SGSM1: variants seen among roughly 807,000 people sequenced by gnomAD.
The protein encoded by SGSM1 is RUN and TBC1 domain containing 2.
A neutral mutation model predicts 133.8 loss-of-function variants in SGSM1; 73 were observed. The observed-to-expected ratio is 0.55, with a 90% CI of 0.45 to 0.66. The LOEUF is 0.66. Ranked by LOEUF, SGSM1 falls within the 30% of genes least tolerant of loss-of-function variation. The pLI is 0.00. For missense variants in SGSM1, 1,213 were observed against 1,448.1 expected, an observed-to-expected ratio of 0.84 and a Z score of 2.64; for synonymous variants, 563 against 573.0, an observed-to-expected ratio of 0.98 and a Z score of 0.25.
intron 2 of SGSM1, among the ~76,000 whole-genome samples, chr22:24,831,932 G>T (rs1356271814): frequency 6.6e-6 from 1 of 152,228 alleles, no homozygotes; most frequent in African/African-American, 2.4e-5. Flanking sequence ...GTTCTGTGTT[G>T]TATCACTGAG....
At chr22:24,913,144 T>C in intron 22 of SGSM1, among the ~76,000 whole-genome samples, 1 of 151,558 alleles carries the variant, frequency 6.6e-6, no homozygotes. Context: ...ACAAAAAAAA[T>C]TAGCAGGGCA....
chr22:24,816,064 A>G (rs982072206), intron 2 of SGSM1, among the ~76,000 whole-genome samples: 2 of 152,178 alleles, frequency 1.3e-5, no homozygotes, highest in African/African-American at 4.8e-5. Context: ...TTCCTTTTTA[A>G]TTATTATTAT....
chr22:24,865,247 C>T (rs571972175), intron 9 of SGSM1, among the ~76,000 whole-genome samples: 2 of 152,232 alleles, frequency 1.3e-5, no homozygotes, highest in Non-Finnish European at 2.9e-5. Context: ...TGCAGGTGTT[C>T]AGCACCTTTG....
At position 24,905,101 on chromosome 22, in the gene SGSM1, C is replaced by T. The variant is rs1160266863; in HGVS notation, c.2736-4C>T. 1.2e-6 allele frequency: 2 copies of T among 1,613,812 alleles called. No individual in the cohort carries two copies. Among genetic ancestry groups the T allele is most frequent in the Admixed American group, 1.7e-5 (1 of 60,000 alleles). ...CCATCATTGGCCCCTTGTGTCTCTT[C>T]TAGCTACATCTGGCAGCACATTGAG... On this transcript the variant is annotated splice_region_variant and splice_polypyrimidine_tract_variant and intron_variant, in intron 20 of 24. Transcript: ENST00000400358.
At chr22:24,898,685 A>G (rs1054479687) in intron 19 of SGSM1, 126 bp downstream of exon 19, 1 of 933,514 alleles carries the variant, frequency 1.1e-6, no homozygotes, top group Non-Finnish European at 1.6e-6. Flanking sequence ...TTTTTCCGTC[A>G]TGGAGGATTC....
intron 23 of SGSM1, among the ~76,000 whole-genome samples, chr22:24,918,386 C>T (rs1778906194): frequency 6.6e-6 from 1 of 151,180 alleles, no homozygotes; most frequent in African/African-American, 2.5e-5. Flanking sequence ...GTTTCAGCTA[C>T]TCAGGAGGCT....
At chr22:24,910,422 A>T (rs1174345018) in intron 21 of SGSM1, among the ~76,000 whole-genome samples, 31 of 151,982 alleles carry the variant, frequency 2.0e-4, no homozygotes, top group African/African-American at 7.5e-4. Context: ...GGGAGGCAGG[A>T]GGATTGCTTG....
intron 8 of SGSM1, chr22:24,856,061 CCATT>C (rs1416294887): frequency 2.6e-6 from 1 of 390,738 alleles, no homozygotes; most frequent in Non-Finnish European, 5.0e-6. Context: ...ATCCATCCAT[CCATT>C]TGTCCATTTA....
chr22:24,916,150 A>G (rs995214249), intron 22 of SGSM1, among the ~76,000 whole-genome samples: 6 of 152,136 alleles, frequency 3.9e-5, no homozygotes. Context: ...TTATGCAACA[A>G]CACCAATTTC....
At chr22:24,900,873 A>G (rs1175875768) in intron 19 of SGSM1, among the ~76,000 whole-genome samples, 1 of 152,066 alleles carries the variant, frequency 6.6e-6, no homozygotes. Context: ...ATTTCTTGGG[A>G]TATTATCTGC....
intron 2 of SGSM1, among the ~76,000 whole-genome samples, chr22:24,828,605 G>A (rs1233513945): frequency 6.6e-6 from 1 of 152,138 alleles, no homozygotes; most frequent in Non-Finnish European, 1.5e-5. Flanking sequence ...CAGAGAAAAT[G>A]GAATGCTTAC....
At chr22:24,834,143 T>C (rs1929289007) in intron 2 of SGSM1, among the ~76,000 whole-genome samples, 2 of 152,256 alleles carry the variant, frequency 1.3e-5, no homozygotes, top group South Asian at 4.1e-4. Context: ...GAACAGGATG[T>C]TGGCAGGATG....
chr22:24,901,577 A>G (rs1299449326), intron 19 of SGSM1, among the ~76,000 whole-genome samples: 1 of 152,088 alleles, frequency 6.6e-6, no homozygotes, highest in African/African-American at 2.4e-5. Flanking sequence ...CTCCTTGTCC[A>G]GTTTTCAGCA....
At chr22:24,893,377 T>C in intron 16 of SGSM1, 54 bp from the exon 17 acceptor site, 1 of 1,593,996 alleles carries the variant, frequency 6.3e-7, no homozygotes, top group East Asian at 2.2e-5. Context: ...GGTCTGGCCC[T>C]CCCCAGGCGC....
chr22:24,878,027 T>C (rs541031699), intron 13 of SGSM1, among the ~76,000 whole-genome samples: 3 of 152,110 alleles, frequency 2.0e-5, no homozygotes, highest in African/African-American at 7.2e-5. Context: ...GCCAGTCTGC[T>C]CTCGAACCCC....
chr22:24,862,036 C>A (rs906914512), intron 9 of SGSM1, among the ~76,000 whole-genome samples: 15 of 151,374 alleles, frequency 9.9e-5, no homozygotes, highest in Admixed American at 7.9e-4. Context: ...CTCACCACAA[C>A]CTCCGCCTCC....
At chr22:24,893,721 A>T (rs907822712) in intron 17 of SGSM1, 108 bp downstream of exon 17, 2 of 1,228,174 alleles carry the variant, frequency 1.6e-6, no homozygotes. Flanking sequence ...GCCTGGTGAC[A>T]GTCTCACCCC....
At chr22:24,845,425 A>C (rs760190915) in intron 3 of SGSM1, among the ~76,000 whole-genome samples, 1 of 152,096 alleles carries the variant, frequency 6.6e-6, no homozygotes. Context: ...TGACTCAGAC[A>C]TGTCTCCTTG....
chr22:24,819,395 T>G lies in SGSM1; in HGVS notation c.63+12911T>G, dbSNP rs550536870. Among the ~76,000 whole-genome samples, 311 of 152,338 alleles carry G rather than the reference T, an allele frequency of 2.0e-3. 3 individuals are homozygous for G. Among genetic ancestry groups the G allele is most frequent in the African/African-American group, 7.1e-3 (297 of 41,592 alleles). ...TGGGACAGCACGGGTATAGAGCATT[T>G]CTCAAAAAGCCTATCCTGTTCCAGA... On this transcript the variant is annotated intron_variant, in intron 2 of 24. Transcript: ENST00000400358.
Sources: gnomAD v4.1 joint callset for allele counts (sites outside exome capture counted in the v4.1 genomes callset) on GRCh38, gnomAD v4.1.1 for gene constraint, MANE v1.5 for transcripts, NCBI Gene and HGNC (gene_info 2026-07-23, HGNC 2026-07-21) for gene names.